Variants in EVA1C observed in about 807,000 individuals in gnomAD.
The protein encoded by EVA1C is eva-1 homolog C.
A neutral mutation model predicts 45.4 loss-of-function variants in EVA1C; 25 were observed. The ratio of observed to expected loss-of-function variants is 0.55; its 90% CI spans 0.40 to 0.77. The LOEUF is 0.77. EVA1C is among the 30% of genes least tolerant of loss of function. The pLI, the probability that EVA1C is intolerant of heterozygous loss-of-function variation, is 0.00. For synonymous variants in EVA1C, 190 were observed against 221.2 expected, an observed-to-expected ratio of 0.86 and a Z score of 1.25; for missense variants, 479 against 554.8, an observed-to-expected ratio of 0.86 and a Z score of 1.37.
At chr21:32,453,216 G>A in intron 1 of EVA1C, 96 bp from the exon 2 acceptor site, 4 of 819,446 alleles carry the variant, frequency 4.9e-6, no homozygotes, top group Non-Finnish European at 7.8e-6. Context: ...TGATTGAACA[G>A]CCCTTCCCCA....
At chr21:32,493,013 A>T (rs923806553) in intron 4 of EVA1C, among the ~76,000 whole-genome samples, 16 of 152,140 alleles carry the variant, frequency 1.1e-4, no homozygotes, top group Middle Eastern at 3.2e-3. Flanking sequence ...CAAACAGCCT[A>T]TCTCATAAAT....
At chr21:32,414,928 A>C (rs2033976970) in intron 1 of EVA1C, among the ~76,000 whole-genome samples, 1 of 152,148 alleles carries the variant, frequency 6.6e-6, no homozygotes, top group South Asian at 2.1e-4. Flanking sequence ...GATGCACTTA[A>C]ATTTAAACCT....
chr21:32,454,726 G>C (rs2035716492), intron 2 of EVA1C, among the ~76,000 whole-genome samples: 1 of 152,060 alleles, frequency 6.6e-6, no homozygotes, highest in South Asian at 2.1e-4. Context: ...AGATACATTT[G>C]CTAGAACTAA....
At chr21:32,488,618 C>T (rs1004167964) in intron 4 of EVA1C, among the ~76,000 whole-genome samples, 14 of 149,130 alleles carry the variant, frequency 9.4e-5, no homozygotes, top group African/African-American at 3.2e-4. Flanking sequence ...TGGAGTCTTG[C>T]TCTGTTGCCC....
chr21:32,442,921 G>T (rs2035230592), intron 1 of EVA1C, among the ~76,000 whole-genome samples: 1 of 150,426 alleles, frequency 6.6e-6, no homozygotes, highest in South Asian at 2.1e-4. Flanking sequence ...CAGCTCTTTT[G>T]ACCTCTTCTA....
intron 4 of EVA1C, among the ~76,000 whole-genome samples, chr21:32,482,854 C>CT (rs774611494): frequency 0.44 from 26,725 of 60,778 alleles, 3,598 homozygotes; most frequent in Admixed American, 0.47. Flanking sequence ...GTGTTATTCC[C>CT]TTTTTTTTTT....
chr21:32,449,895 T>C (rs1424843847), intron 1 of EVA1C, among the ~76,000 whole-genome samples: 2 of 152,110 alleles, frequency 1.3e-5, no homozygotes, highest in Non-Finnish European at 2.9e-5. Context: ...ACTGTTGGGA[T>C]TATAGGTGTG....
At chr21:32,504,911 G>A (rs2037675466) in intron 7 of EVA1C, among the ~76,000 whole-genome samples, 2 of 151,950 alleles carry the variant, frequency 1.3e-5, no homozygotes, top group South Asian at 2.1e-4. Context: ...CACATGGTTA[G>A]GGAGGCCTAA....
intron 1 of EVA1C, among the ~76,000 whole-genome samples, chr21:32,413,386 C>A (rs537978204): frequency 6.6e-6 from 1 of 152,226 alleles, no homozygotes; most frequent in African/African-American, 2.4e-5. Context: ...GGCGTTGCGC[C>A]GCGTTTGTCA....
chr21:32,462,868 A>G (rs7279106), intron 3 of EVA1C, among the ~76,000 whole-genome samples: 2 of 152,322 alleles, frequency 1.3e-5, no homozygotes. Context: ...TCTATAATCT[A>G]TAGAAACAAT....
rs1568923464 is a variant in EVA1C at position 32,474,843 on chromosome 21, T to C, written c.634+6995T>C. 6.6e-6 allele frequency among the ~76,000 whole-genome samples: 1 copy of C among 152,228 alleles called. No homozygotes were observed. The highest frequency in any genetic ancestry group is 1.5e-5 in the Non-Finnish European group (1 of 68,040). On this transcript the variant is annotated intron_variant, in intron 4 of 7. Transcript: ENST00000300255. This position sits in a 1 kb window ranked among gnomAD's most constrained non-coding sequence, Gnocchi z 4.4. ...GCTGGAAATCTGGATTTTCTTTTTTTCTAAGTGAAATGTTCCAACTTCTAA... is the reference window on the plus strand; with the variant it reads ...GCTGGAAATCTGGATTTTCTTTTTTCCTAAGTGAAATGTTCCAACTTCTAA...
At chr21:32,511,167 G>C (rs1424811693) in intron 7 of EVA1C, among the ~76,000 whole-genome samples, 1 of 152,122 alleles carries the variant, frequency 6.6e-6, no homozygotes, top group Non-Finnish European at 1.5e-5. Context: ...TGTAATCCCA[G>C]CACTTTGGGA....
chr21:32,445,054 C>T (rs2035317119), intron 1 of EVA1C, among the ~76,000 whole-genome samples: 1 of 152,016 alleles, frequency 6.6e-6, no homozygotes, highest in African/African-American at 2.4e-5. Context: ...TTAAGGACAC[C>T]CACTGGGGAG....
chr21:32,450,888 T>C (rs1296031164), intron 1 of EVA1C, among the ~76,000 whole-genome samples: 1 of 152,234 alleles, frequency 6.6e-6, no homozygotes, highest in East Asian at 1.9e-4. Context: ...ATGTCCGTTT[T>C]GCCACTCATG....
intron 1 of EVA1C, among the ~76,000 whole-genome samples, chr21:32,433,754 C>A (rs1034957911): frequency 6.7e-6 from 1 of 149,290 alleles, no homozygotes; most frequent in African/African-American, 2.5e-5. Flanking sequence ...GGAGTCCTGA[C>A]CCCCAGCACC....
rs772749692 is a variant in EVA1C, at chr21:32,467,852, T to C, written c.634+4T>C. 1.3e-6 allele frequency: 2 copies of C among 1,599,880 alleles called. No individual in the cohort carries two copies. The highest frequency in any genetic ancestry group is 3.5e-5 in the Admixed American group (2 of 56,848). On this transcript the variant is annotated splice_donor_region_variant and intron_variant, in intron 4 of 7. Transcript: ENST00000300255. ...GCAGAGCGGCTCCCCCCTTTCGGTA[T>C]GTGCTTTTGTGTGTGTATTAGCCAG...
intron 7 of EVA1C, among the ~76,000 whole-genome samples, chr21:32,509,568 A>G (rs1269549020): frequency 2.6e-5 from 4 of 152,176 alleles, no homozygotes; most frequent in Non-Finnish European, 2.9e-5. Context: ...AAATATTTTC[A>G]TAATGCCCAC....
At chr21:32,443,768 G>C (rs1246742112) in intron 1 of EVA1C, among the ~76,000 whole-genome samples, 5 of 152,060 alleles carry the variant, frequency 3.3e-5, no homozygotes, top group Admixed American at 3.3e-4. Flanking sequence ...ATAACCAAAG[G>C]ATTGAATATT....
intron 1 of EVA1C, among the ~76,000 whole-genome samples, chr21:32,414,173 C>A (rs1044686050): frequency 6.6e-6 from 1 of 152,160 alleles, no homozygotes; most frequent in Non-Finnish European, 1.5e-5. Context: ...AGTATTCCTA[C>A]CTAGCAAAGG....
Sources: gnomAD v4.1 joint callset for allele counts (sites outside exome capture counted in the v4.1 genomes callset) on GRCh38, gnomAD v4.1.1 for gene constraint, Gnocchi (gnomAD v3.1) non-coding constraint, MANE v1.5 for transcripts, NCBI Gene and HGNC (gene_info 2026-07-23, HGNC 2026-07-21) for gene names.